The following ZNF385D variants were observed in gnomAD, a reference collection of about 807,000 sequenced individuals.
ZNF385D encodes the protein zinc finger protein 659.
ZNF385D carries 15 observed loss-of-function variants against 35.8 expected under a neutral mutation model. That is an observed-to-expected ratio of 0.42 (90% CI 0.28 to 0.64). ZNF385D has a LOEUF of 0.64. Ranked by LOEUF, ZNF385D falls within the 30% of genes least tolerant of loss-of-function variation. ZNF385D has a pLI of 0.23. For missense variants in ZNF385D, 474 were observed against 494.6 expected, an observed-to-expected ratio of 0.96 and a Z score of 0.39; for synonymous variants, 212 against 186.8, an observed-to-expected ratio of 1.13 and a Z score of -1.10.
At chr3:22,152,791 A>G (rs1705323873) in intron 3 of ZNF385D, among the ~76,000 whole-genome samples, 1 of 152,154 alleles carries the variant, frequency 6.6e-6, no homozygotes, top group Admixed American at 6.5e-5. Flanking sequence ...CACAGGTCTC[A>G]GGGATTAGGA....
At chr3:21,963,657 A>T (rs1023372488) in intron 3 of ZNF385D, among the ~76,000 whole-genome samples, 3 of 152,200 alleles carry the variant, frequency 2.0e-5, no homozygotes, top group Non-Finnish European at 4.4e-5. Context: ...GTTATAATAC[A>T]ATGAATATAC....
At chr3:22,364,108 C>T (rs62247276) in intron 2 of ZNF385D, among the ~76,000 whole-genome samples, 19,237 of 151,956 alleles carry the variant, frequency 0.13, 1,642 homozygotes, top group Non-Finnish European at 0.17. Flanking sequence ...TCATTCTAGG[C>T]TCTTATTTTT....
intron 3 of ZNF385D, among the ~76,000 whole-genome samples, chr3:21,944,298 T>G (rs1221729655): frequency 6.6e-6 from 1 of 152,220 alleles, no homozygotes; most frequent in Non-Finnish European, 1.5e-5. Context: ...TTCTCTTGCC[T>G]TCTTGTTTTA....
chr3:22,086,770 C>T (rs958107008), intron 3 of ZNF385D, among the ~76,000 whole-genome samples: 2 of 152,142 alleles, frequency 1.3e-5, no homozygotes, highest in Non-Finnish European at 2.9e-5. Context: ...TGGATGAGTT[C>T]ATGTCCTTTG....
chr3:21,622,976 A>AG (rs2065046307), intron 2 of ZNF385D, among the ~76,000 whole-genome samples: 2 of 152,154 alleles, frequency 1.3e-5, no homozygotes, highest in African/African-American at 4.8e-5. Flanking sequence ...CACTGAAAAA[A>AG]AGATGATGCT....
At chr3:21,513,211 A>G (rs534264168) in intron 3 of ZNF385D, among the ~76,000 whole-genome samples, 7 of 152,262 alleles carry the variant, frequency 4.6e-5, no homozygotes, top group African/African-American at 1.7e-4. Flanking sequence ...TCTTACACCA[A>G]AAAACAAAAA....
chr3:21,750,732 C>A (rs369736107), intron 1 of ZNF385D, among the ~76,000 whole-genome samples, 163 bp downstream of exon 1: 9 of 152,012 alleles, frequency 5.9e-5, no homozygotes, highest in African/African-American at 2.2e-4. Context: ...AGTTGTGGCA[C>A]AAAGGAAGCT....
In ZNF385D at chr3:21,425,474, A is replaced by G. The variant is rs766052490; in HGVS notation, c.852+18T>C. 1.3e-6 allele frequency: 2 copies of G among 1,561,586 alleles called. No individual in the cohort carries two copies. ...CTGTCCCTTGTTGGTTTTCATTCCT[A>G]GAATACGTGCTGTTTACCTGTTTAA... On this transcript the variant is annotated intron_variant, in intron 6 of 7. Transcript: ENST00000281523.
intron 3 of ZNF385D, among the ~76,000 whole-genome samples, chr3:21,820,332 GA>G (rs1339418997): frequency 6.6e-6 from 1 of 151,324 alleles, no homozygotes; most frequent in Non-Finnish European, 1.5e-5. Context: ...ACCAACATAA[GA>G]AAATGAAAAG....
At chr3:21,945,682 C>G (rs1701746508) in intron 3 of ZNF385D, among the ~76,000 whole-genome samples, 1 of 152,052 alleles carries the variant, frequency 6.6e-6, no homozygotes, top group Non-Finnish European at 1.5e-5. Context: ...CTCAGTGATC[C>G]TCTGCCCAAT....
intron 2 of ZNF385D, among the ~76,000 whole-genome samples, chr3:22,331,271 G>T (rs536527748): frequency 6.6e-6 from 1 of 152,086 alleles, no homozygotes; most frequent in African/African-American, 2.4e-5. Context: ...CACAGCACAA[G>T]TGTCAGTGCT....
intron 3 of ZNF385D, among the ~76,000 whole-genome samples, chr3:21,860,111 T>C (rs907860249): frequency 6.6e-5 from 10 of 152,138 alleles, no homozygotes; most frequent in African/African-American, 2.2e-4. Flanking sequence ...AATGTTGAAA[T>C]AGCAAATTAA....
chr3:22,143,102 T>TGTGTGC, intron 3 of ZNF385D, among the ~76,000 whole-genome samples: 1 of 144,864 alleles, frequency 6.9e-6, no homozygotes, highest in East Asian at 2.0e-4. Flanking sequence ...TGTGTGTGTG[T>TGTGTGC]GACGGAGTCT....
At chr3:22,331,465 A>G (rs955293744) in intron 2 of ZNF385D, among the ~76,000 whole-genome samples, 3 of 152,326 alleles carry the variant, frequency 2.0e-5, no homozygotes, top group Middle Eastern at 3.4e-3. Flanking sequence ...ATATATGACC[A>G]TAACATTAAT....
intron 1 of ZNF385D, among the ~76,000 whole-genome samples, chr3:21,724,503 A>T (rs867386828): frequency 3.1e-4 from 29 of 94,146 alleles, no homozygotes; most frequent in African/African-American, 8.4e-4. Flanking sequence ...AAAAAAAAAA[A>T]AAAAAAAAAA....
intron 3 of ZNF385D, among the ~76,000 whole-genome samples, chr3:22,103,590 T>A (rs1222572594): frequency 6.6e-6 from 1 of 152,106 alleles, no homozygotes; most frequent in Non-Finnish European, 1.5e-5. Context: ...AGAACCAACA[T>A]AATGTTATGA....
intron 1 of ZNF385D, among the ~76,000 whole-genome samples, chr3:21,700,106 G>A (rs867823922): frequency 6.6e-6 from 1 of 152,080 alleles, no homozygotes; most frequent in Non-Finnish European, 1.5e-5. Flanking sequence ...AAAATGTTGG[G>A]ATTACAGGCA....
At chr3:22,230,064 G>A (rs983623947) in intron 2 of ZNF385D, among the ~76,000 whole-genome samples, 6 of 152,142 alleles carry the variant, frequency 3.9e-5, no homozygotes, top group African/African-American at 1.4e-4. Flanking sequence ...AATCTTCTGT[G>A]CCCAGTAAAA....
chr3:22,028,908 T>A (rs1407267127), intron 3 of ZNF385D, among the ~76,000 whole-genome samples: 1 of 152,138 alleles, frequency 6.6e-6, no homozygotes, highest in African/African-American at 2.4e-5. Context: ...TAGAAGACCA[T>A]GTGTGCTCTG....
Sources: gnomAD v4.1 joint callset for allele counts (sites outside exome capture counted in the v4.1 genomes callset) on GRCh38, gnomAD v4.1.1 for gene constraint, MANE v1.5 for transcripts, NCBI Gene and HGNC (gene_info 2026-07-23, HGNC 2026-07-21) for gene names.